SNX29: variants seen among roughly 807,000 people sequenced by gnomAD.
SNX29 encodes sorting nexin 29.
Under a neutral mutation model 102.1 loss-of-function variants are expected in SNX29, and 78 were observed. The ratio of observed to expected loss-of-function variants is 0.76; its 90% CI spans 0.64 to 0.92. The LOEUF (loss-of-function observed/expected upper bound fraction) is 0.92, where lower values mean the gene tolerates loss of function less well. Ranked by LOEUF, SNX29 falls within the 40% of genes least tolerant of loss-of-function variation. SNX29 has a pLI of 0.00. For missense variants in SNX29, 1,280 were observed against 1,061.7 expected (o/e 1.21, Z -2.86); for synonymous variants, 580 against 414.5 (o/e 1.40, Z -4.85).
chr16:12,038,224 AAGT>A (rs1430751385), intron 4 of SNX29, among the ~76,000 whole-genome samples: 1 of 152,216 alleles, frequency 6.6e-6, no homozygotes, highest in African/African-American at 2.4e-5. Context: ...CAGATGAAGA[AAGT>A]AGAGGACAAA....
intron 16 of SNX29, among the ~76,000 whole-genome samples, chr16:12,361,500 C>A (rs74328104): frequency 6.6e-6 from 1 of 152,084 alleles, no homozygotes; most frequent in Non-Finnish European, 1.5e-5. Context: ...AATTTGGCTT[C>A]CCTCTTGTAT....
intron 16 of SNX29, among the ~76,000 whole-genome samples, chr16:12,388,293 C>G (rs1003971850): frequency 1.3e-5 from 2 of 152,186 alleles, no homozygotes; most frequent in African/African-American, 4.8e-5. Context: ...CTCTGAGCCT[C>G]TGTAGAATAC....
At chr16:12,246,126 G>A (rs1426903196) in intron 14 of SNX29, among the ~76,000 whole-genome samples, 2 of 152,180 alleles carry the variant, frequency 1.3e-5, no homozygotes, top group Non-Finnish European at 2.9e-5. Context: ...CCAAGAGGGT[G>A]TCAACCTATG....
At chr16:12,565,600 C>G (rs1247202570) in intron 20 of SNX29, among the ~76,000 whole-genome samples, 1 of 152,216 alleles carries the variant, frequency 6.6e-6, no homozygotes, top group Admixed American at 6.5e-5. Flanking sequence ...AGCCTACACT[C>G]ACTGGGACTT....
At chr16:11,988,330 G>T (rs2055714735) in intron 1 of SNX29, among the ~76,000 whole-genome samples, 1 of 151,584 alleles carries the variant, frequency 6.6e-6, no homozygotes, top group Non-Finnish European at 1.5e-5. Context: ...TTAATTTGTA[G>T]TTACATAATG....
At chr16:12,421,934 TCCATCATCCATCACCATCATCAACCAC>T (rs2084890645) in intron 18 of SNX29, among the ~76,000 whole-genome samples, 1 of 63,372 alleles carries the variant, frequency 1.6e-5, no homozygotes, top group East Asian at 4.7e-4. Flanking sequence ...TCATCATCCG[TCCATCATCCATCACCATCATCAACCAC>T]CCATCACAGG....
At chr16:12,113,040 C>T (rs1176234796) in intron 11 of SNX29, among the ~76,000 whole-genome samples, 1 of 152,184 alleles carries the variant, frequency 6.6e-6, no homozygotes, top group East Asian at 1.9e-4. Context: ...TCCAGTTATG[C>T]TCTGAGTGTC....
At position 12,571,375 on chromosome 16, in the gene SNX29, G is replaced by A. The variant is rs1019462298; in HGVS notation, c.*2746G>A. On this transcript the variant is annotated 3_prime_UTR_variant, in exon 21 of 21. Transcript: ENST00000566228. ...CACGACCTTATCCATGAGTGGCGAA[G>A]ACACCCCTGAGGAAAGGATTGCTTG... The A allele has an allele frequency of 4.3e-6, 1 of 231,584 alleles. No homozygotes were observed. Among genetic ancestry groups the A allele is most frequent in the African/African-American group, 2.2e-5 (1 of 45,212 alleles). 14.3% of individuals were successfully genotyped at this position (231,584 alleles called of 1,614,324 possible). A position where few individuals can be genotyped will look rare whatever the true frequency, so the allele number is the denominator to read the frequency against.
intron 13 of SNX29, among the ~76,000 whole-genome samples, chr16:12,176,293 G>T (rs844225): frequency 6.6e-6 from 1 of 152,040 alleles, no homozygotes; most frequent in Admixed American, 6.5e-5. Flanking sequence ...GCTTTTGACA[G>T]GTGCAGGTTC....
chr16:12,316,821 T>C (rs545145102), intron 15 of SNX29, among the ~76,000 whole-genome samples: 563 of 152,308 alleles, frequency 3.7e-3, no homozygotes, highest in Non-Finnish European at 6.6e-3. Flanking sequence ...TCCAGGTTGC[T>C]GCACAGTGAT....
intron 18 of SNX29, among the ~76,000 whole-genome samples, chr16:12,440,529 A>G (rs2085751939): frequency 6.6e-6 from 1 of 152,086 alleles, no homozygotes; most frequent in South Asian, 2.1e-4. Flanking sequence ...TGTACACATT[A>G]TTTCTTCACT....
At chr16:12,436,734 A>C (rs992513455) in intron 18 of SNX29, among the ~76,000 whole-genome samples, 2 of 152,080 alleles carry the variant, frequency 1.3e-5, no homozygotes, top group Non-Finnish European at 2.9e-5. Flanking sequence ...GCTCACTGCA[A>C]CCTCCGCCTC....
intron 10 of SNX29, among the ~76,000 whole-genome samples, chr16:12,077,988 A>G (rs2051667052): frequency 6.6e-6 from 1 of 152,142 alleles, no homozygotes; most frequent in Non-Finnish European, 1.5e-5. Context: ...GTTTAAAGAC[A>G]CCTTGTTTAA....
intron 1 of SNX29, among the ~76,000 whole-genome samples, chr16:11,986,960 G>A (rs1015535888): frequency 2.6e-5 from 4 of 152,156 alleles, no homozygotes; most frequent in Non-Finnish European, 5.9e-5. Flanking sequence ...ACAAATCTTC[G>A]TGCCCATTGA....
intron 11 of SNX29, among the ~76,000 whole-genome samples, chr16:12,109,938 C>T (rs910112989): frequency 6.6e-6 from 1 of 152,114 alleles, no homozygotes; most frequent in African/African-American, 2.4e-5. Context: ...ACCACGTTGG[C>T]CAGGCTGGTC....
chr16:12,477,983 A>G, intron 19 of SNX29, 124 bp downstream of exon 19: 1 of 1,164,628 alleles, frequency 8.6e-7, no homozygotes, highest in Admixed American at 3.3e-5. Context: ...GGAGATAAGA[A>G]AAAAATAGAG....
At chr16:12,335,683 G>A (rs1037999131) in intron 15 of SNX29, among the ~76,000 whole-genome samples, 1 of 152,084 alleles carries the variant, frequency 6.6e-6, no homozygotes, top group Non-Finnish European at 1.5e-5. Flanking sequence ...CAGCGTTGGG[G>A]GTTTGGGGGA....
chr16:12,101,926 C>T (rs2053038558), intron 11 of SNX29, among the ~76,000 whole-genome samples: 1 of 152,118 alleles, frequency 6.6e-6, no homozygotes, highest in Non-Finnish European at 1.5e-5. Flanking sequence ...AGCCCCCTAC[C>T]CTCAGACAGG....
intron 20 of SNX29, among the ~76,000 whole-genome samples, chr16:12,548,261 C>G (rs181777570): frequency 1.3e-5 from 2 of 152,300 alleles, no homozygotes; most frequent in African/African-American, 2.4e-5. Flanking sequence ...TCTGGCTCAC[C>G]AGATGTGGAC....
Sources: gnomAD v4.1 joint callset for allele counts (sites outside exome capture counted in the v4.1 genomes callset) on GRCh38, gnomAD v4.1.1 for gene constraint, MANE v1.5 for transcripts, NCBI Gene and HGNC (gene_info 2026-07-23, HGNC 2026-07-21) for gene names.